The following DYNC1I1 variants were observed in gnomAD, a reference collection of about 807,000 sequenced individuals.
The protein encoded by DYNC1I1 is cytoplasmic dynein 1 intermediate chain 1.
In DYNC1I1, 43 loss-of-function variants were observed where a neutral mutation model predicts 86.6. That is an observed-to-expected ratio of 0.50 (90% CI 0.39 to 0.64). DYNC1I1 has a LOEUF of 0.64. Among genes scored for constraint, DYNC1I1 ranks in the 30% least tolerant of loss-of-function variants. DYNC1I1 has a pLI of 0.00. For synonymous variants in DYNC1I1, 262 were observed against 283.7 expected, an observed-to-expected ratio of 0.92 and a Z score of 0.77; for missense variants, 604 against 788.8, an observed-to-expected ratio of 0.77 and a Z score of 2.81.
At chr7:95,872,058 G>A (rs186912757) in intron 6 of DYNC1I1, among the ~76,000 whole-genome samples, 9 of 152,312 alleles carry the variant, frequency 5.9e-5, no homozygotes, top group East Asian at 1.9e-4. Flanking sequence ...GCAGTCACCC[G>A]GCTGCCCGGC....
chr7:95,971,499 C>CAAACA (rs1793170230), intron 6 of DYNC1I1, among the ~76,000 whole-genome samples: 1 of 152,158 alleles, frequency 6.6e-6, no homozygotes, highest in South Asian at 2.1e-4. Context: ...AAAAAACAAA[C>CAAACA]AAACAAAACA....
chr7:96,038,360 T>TATTTA (rs755817176), intron 13 of DYNC1I1, among the ~76,000 whole-genome samples: 19 of 152,214 alleles, frequency 1.2e-4, no homozygotes, highest in Non-Finnish European at 2.5e-4. Context: ...ATTTTTGGTA[T>TATTTA]GTTTTCTCAC....
At chr7:95,995,857 T>C in intron 9 of DYNC1I1, 91 bp from the exon 10 acceptor site, 2 of 1,479,922 alleles carry the variant, frequency 1.4e-6, no homozygotes, top group Non-Finnish European at 1.8e-6. Context: ...CCATTTACAC[T>C]GTGTAGTATA....
intron 6 of DYNC1I1, among the ~76,000 whole-genome samples, chr7:95,945,333 T>C (rs1301477891): frequency 6.6e-6 from 1 of 152,142 alleles, no homozygotes; most frequent in Non-Finnish European, 1.5e-5. Flanking sequence ...AGCAGTTTAA[T>C]AATAAAGTCT....
intron 1 of DYNC1I1, chr7:95,804,332 A>G: frequency 7.9e-7 from 1 of 1,268,446 alleles, no homozygotes; most frequent in South Asian, 1.3e-5. Flanking sequence ...CAGTGTGGGG[A>G]TGAATTGCTC....
chr7:96,088,453 T>C (rs2116303907), intron 16 of DYNC1I1, among the ~76,000 whole-genome samples: 1 of 152,298 alleles, frequency 6.6e-6, no homozygotes, highest in East Asian at 1.9e-4. Flanking sequence ...CAAACTGTCA[T>C]CTTCAATGGC....
intron 10 of DYNC1I1, among the ~76,000 whole-genome samples, chr7:96,008,537 G>T (rs1372483053): frequency 6.6e-6 from 1 of 152,140 alleles, no homozygotes; most frequent in Non-Finnish European, 1.5e-5. Flanking sequence ...TCAAAGAATT[G>T]ATATAATCTA....
At chr7:95,831,747 ATGT>A (rs1788909709) in intron 5 of DYNC1I1, among the ~76,000 whole-genome samples, 1 of 152,046 alleles carries the variant, frequency 6.6e-6, no homozygotes. Context: ...ATAATTAGTG[ATGT>A]TGAACACTTT....
intron 14 of DYNC1I1, among the ~76,000 whole-genome samples, chr7:96,047,449 G>A (rs149692058): frequency 0.011 from 1,607 of 152,278 alleles, 31 homozygotes; most frequent in African/African-American, 0.036. Flanking sequence ...CAGGTGCTGA[G>A]GCGTGAGAAC....
intron 6 of DYNC1I1, among the ~76,000 whole-genome samples, chr7:95,926,404 T>G (rs1791746230): frequency 6.6e-6 from 1 of 152,134 alleles, no homozygotes; most frequent in Non-Finnish European, 1.5e-5. Flanking sequence ...AATAAATACA[T>G]TACAAAAATG....
chr7:95,906,111 T>C (rs1791170282), intron 6 of DYNC1I1, among the ~76,000 whole-genome samples: 2 of 152,198 alleles, frequency 1.3e-5, no homozygotes, highest in Admixed American at 1.3e-4. Context: ...ACATGTTCAG[T>C]CAGTAGCCCT....
chr7:96,057,137 G>T (rs1789600389), intron 14 of DYNC1I1, among the ~76,000 whole-genome samples: 2 of 152,174 alleles, frequency 1.3e-5, no homozygotes, highest in Non-Finnish European at 2.9e-5. Flanking sequence ...GAGAATTAAA[G>T]AACTTGTTAA....
chr7:95,827,617 G>C (rs545979943), intron 4 of DYNC1I1, among the ~76,000 whole-genome samples: 5 of 152,256 alleles, frequency 3.3e-5, no homozygotes, highest in Admixed American at 3.3e-4. Context: ...AGGCCCTGCA[G>C]TCATACCCCT....
intron 6 of DYNC1I1, among the ~76,000 whole-genome samples, chr7:95,948,212 G>A (rs1268716496): frequency 7.2e-5 from 11 of 152,156 alleles, no homozygotes; most frequent in Admixed American, 3.3e-4. Flanking sequence ...ATCTTAATGA[G>A]CAGGATGGCC....
At chr7:95,980,307 CTT>C (rs767841458) in intron 7 of DYNC1I1, among the ~76,000 whole-genome samples, 10 of 142,362 alleles carry the variant, frequency 7.0e-5, no homozygotes, top group Admixed American at 1.4e-4. Context: ...CAAACTCTGG[CTT>C]TTTTTTTTTT....
At chr7:95,820,447 T>C (rs1795049157) in intron 4 of DYNC1I1, among the ~76,000 whole-genome samples, 1 of 152,238 alleles carries the variant, frequency 6.6e-6, no homozygotes, top group Admixed American at 6.5e-5. Flanking sequence ...ATTTTCTGTT[T>C]GGCACTATGC....
chr7:95,895,309 A>T (rs1790852784), intron 6 of DYNC1I1, among the ~76,000 whole-genome samples: 1 of 152,160 alleles, frequency 6.6e-6, no homozygotes, highest in African/African-American at 2.4e-5. Context: ...TTCAATTTTC[A>T]CTCAGCTCAC....
At chr7:96,082,066 A>G (rs1790537512) in intron 16 of DYNC1I1, among the ~76,000 whole-genome samples, 1 of 152,192 alleles carries the variant, frequency 6.6e-6, no homozygotes. Flanking sequence ...TCTGGTGACT[A>G]TTGATATAGT....
intron 5 of DYNC1I1, among the ~76,000 whole-genome samples, chr7:95,850,682 G>A (rs982905956): frequency 6.6e-6 from 1 of 152,140 alleles, no homozygotes; most frequent in African/African-American, 2.4e-5. Flanking sequence ...TGCAGTTTAA[G>A]ATCTGTCAGC....
Sources: gnomAD v4.1 joint callset for allele counts (sites outside exome capture counted in the v4.1 genomes callset) on GRCh38, gnomAD v4.1.1 for gene constraint, MANE v1.5 for transcripts, NCBI Gene and HGNC (gene_info 2026-07-23, HGNC 2026-07-21) for gene names.